The following ITPR1 variants were observed in gnomAD, a reference collection of about 807,000 sequenced individuals.
The protein encoded by ITPR1 is inositol 1,4,5-trisphosphate receptor type 1, also known as inositol 1,4,5-trisphosphate-gated calcium channel ITPR1.
A neutral mutation model predicts 318.4 loss-of-function variants in ITPR1; 96 were observed. That is an observed-to-expected ratio of 0.30 (90% CI 0.26 to 0.36). ITPR1 has a LOEUF of 0.36. Ranked by LOEUF, ITPR1 falls within the 10% of genes least tolerant of loss-of-function variation. The pLI, the probability that ITPR1 is intolerant of heterozygous loss-of-function variation, is 1.00. For synonymous variants in ITPR1, 1,312 were observed against 1,289.9 expected, an observed-to-expected ratio of 1.02 and a Z score of -0.37; for missense variants, 2,440 against 3,460.2, an observed-to-expected ratio of 0.71 and a Z score of 7.40.
At chr3:4,527,199 C>T (rs958024822) in intron 4 of ITPR1, among the ~76,000 whole-genome samples, 1 of 152,138 alleles carries the variant, frequency 6.6e-6, no homozygotes, top group Non-Finnish European at 1.5e-5. Context: ...TTTATGGAGA[C>T]AAGGTCTCAC....
chr3:4,610,708 G>C (rs1019983359), intron 4 of ITPR1, among the ~76,000 whole-genome samples: 1 of 152,180 alleles, frequency 6.6e-6, no homozygotes, highest in Non-Finnish European at 1.5e-5. Flanking sequence ...GTTACTCACA[G>C]ATCTAACTTA....
At chr3:4,595,640 G>A (rs1164489473) in intron 4 of ITPR1, among the ~76,000 whole-genome samples, 1 of 152,160 alleles carries the variant, frequency 6.6e-6, no homozygotes, top group Non-Finnish European at 1.5e-5. Context: ...GCTTAGAGAT[G>A]TTTTTAAGAG....
intron 60 of ITPR1, among the ~76,000 whole-genome samples, chr3:4,829,514 TAAG>T (rs2050301701): frequency 6.6e-6 from 1 of 152,174 alleles, no homozygotes; most frequent in African/African-American, 2.4e-5. Flanking sequence ...AATTTTTTAA[TAAG>T]AAAAAATTAC....
intron 46 of ITPR1, among the ~76,000 whole-genome samples, chr3:4,775,011 A>G (rs2046400758): frequency 1.3e-5 from 2 of 152,222 alleles, no homozygotes; most frequent in Non-Finnish European, 1.5e-5. Flanking sequence ...TGCATTCCAT[A>G]TACTTACACC....
At chr3:4,831,994 G>A (rs181643834) in intron 60 of ITPR1, among the ~76,000 whole-genome samples, 10 of 152,314 alleles carry the variant, frequency 6.6e-5, no homozygotes, top group East Asian at 3.9e-4. Context: ...CAAAGCCAAC[G>A]GGAAATTGAG....
intron 5 of ITPR1, among the ~76,000 whole-genome samples, chr3:4,631,031 A>C (rs1436320594): frequency 2.0e-5 from 3 of 152,254 alleles, no homozygotes; most frequent in Non-Finnish European, 4.4e-5. Context: ...TAACTTCATG[A>C]AAGTGCATTG....
At chr3:4,586,283 T>A (rs375416407) in intron 4 of ITPR1, among the ~76,000 whole-genome samples, 2 of 152,176 alleles carry the variant, frequency 1.3e-5, no homozygotes, top group South Asian at 4.1e-4. Context: ...TCTGAAAGCT[T>A]TACCCGTTTC....
At chr3:4,829,930 G>T (rs1383876364) in intron 60 of ITPR1, among the ~76,000 whole-genome samples, 11 of 111,552 alleles carry the variant, frequency 9.9e-5, no homozygotes, top group African/African-American at 3.2e-4. Flanking sequence ...ATTTTTTAGG[G>T]TTTTTTTTAA....
At chr3:4,610,402 G>C (rs562168255) in intron 4 of ITPR1, among the ~76,000 whole-genome samples, 1 of 151,710 alleles carries the variant, frequency 6.6e-6, no homozygotes, top group Admixed American at 6.5e-5. Flanking sequence ...GAGACAGTCT[G>C]CTCTTCCTTT....
intron 20 of ITPR1, 93 bp downstream of exon 20, chr3:4,671,019 C>CA: frequency 1.1e-6 from 1 of 916,798 alleles, no homozygotes; most frequent in Non-Finnish European, 1.6e-6. Flanking sequence ...TTCAAGGAAT[C>CA]ACAAGGAGTC....
At chr3:4,596,119 C>T (rs1255880874) in intron 4 of ITPR1, 1 of 152,278 alleles carries the variant, frequency 6.6e-6, no homozygotes, top group Admixed American at 6.5e-5. Flanking sequence ...CTCAAAACTT[C>T]TCTGCACTTT....
chr3:4,646,557 G>A (rs1249003538), intron 10 of ITPR1, among the ~76,000 whole-genome samples: 1 of 152,198 alleles, frequency 6.6e-6, no homozygotes, highest in Non-Finnish European at 1.5e-5. Flanking sequence ...CCAGGCTATA[G>A]GGAGTTGGGA....
At chr3:4,536,159 G>T (rs921350643) in intron 4 of ITPR1, among the ~76,000 whole-genome samples, 1 of 152,166 alleles carries the variant, frequency 6.6e-6, no homozygotes, top group Non-Finnish European at 1.5e-5. Context: ...AGGTGCAACT[G>T]GAGTTCAGTC....
At chr3:4,683,347 G>A (rs1348427392) in intron 26 of ITPR1, 39 bp from the exon 27 acceptor site, 3 of 1,612,228 alleles carry the variant, frequency 1.9e-6, no homozygotes, top group Admixed American at 1.7e-5. Flanking sequence ...GGAGGCATTT[G>A]TCATTCATTT....
At chr3:4,746,453 T>C (rs955577355) in intron 44 of ITPR1, among the ~76,000 whole-genome samples, 1 of 152,234 alleles carries the variant, frequency 6.6e-6, no homozygotes, top group Non-Finnish European at 1.5e-5. Flanking sequence ...CTTTGCTTCA[T>C]GTGGGACGTG....
chr3:4,717,307 T>C, intron 39 of ITPR1, 60 bp from the exon 40 acceptor site: 2 of 1,380,176 alleles, frequency 1.4e-6, no homozygotes, highest in Non-Finnish European at 2.0e-6. Context: ...TAAACTTGGC[T>C]GGCTTGTATT....
At chr3:4,516,207 C>G (rs2082158703) in intron 2 of ITPR1, among the ~76,000 whole-genome samples, 1 of 152,192 alleles carries the variant, frequency 6.6e-6, no homozygotes, top group Non-Finnish European at 1.5e-5. Flanking sequence ...GGGTCCTCAA[C>G]TTGTAGAATC....
intron 61 of ITPR1, among the ~76,000 whole-genome samples, chr3:4,841,699 TTAGAG>T (rs150433054): frequency 6.6e-6 from 1 of 152,272 alleles, no homozygotes; most frequent in East Asian, 1.9e-4. Flanking sequence ...CGGGAGAGGA[TTAGAG>T]TAATTACCAC....
At chr3:4,737,083 G>A (rs1004752218) in intron 44 of ITPR1, among the ~76,000 whole-genome samples, 4 of 152,122 alleles carry the variant, frequency 2.6e-5, no homozygotes, top group African/African-American at 9.7e-5. Flanking sequence ...TAATGAAATG[G>A]TGTTGATTAT....
Sources: allele counts gnomAD v4.1 joint callset (sites outside exome capture counted in the v4.1 genomes callset), GRCh38; gene constraint gnomAD v4.1.1; transcripts MANE v1.5; gene names NCBI Gene and HGNC (gene_info 2026-07-23, HGNC 2026-07-21).